The following TRPM2 variants were observed in gnomAD, a reference collection of about 807,000 sequenced individuals.
The protein encoded by TRPM2 is transient receptor potential cation channel subfamily M member 2.
A neutral mutation model predicts 174.0 loss-of-function variants in TRPM2; 161 were observed. That is an observed-to-expected ratio of 0.93 (90% confidence interval 0.81 to 1.05). The LOEUF (loss-of-function observed/expected upper bound fraction) is 1.05. Ranked by LOEUF, TRPM2 falls within the 50% of genes least tolerant of loss-of-function variation. The probability of loss-of-function intolerance (pLI) is 0.00; values close to 1 mark genes in which losing one functional copy is unlikely to be tolerated. For missense variants in TRPM2, 2,057 were observed against 2,038.0 expected (o/e 1.01, Z -0.18); for synonymous variants, 954 against 861.3 (o/e 1.11, Z -1.88).
At chr21:44,377,589 T>C (rs575642912) in intron 6 of TRPM2, 123 bp from the exon 7 acceptor site, 2 of 1,311,224 alleles carry the variant, frequency 1.5e-6, no homozygotes, top group Non-Finnish European at 2.2e-6. Context: ...GTGCCCTCAG[T>C]GCAGGGTCTT....
At chr21:44,368,934 T>G (rs2048439959) in intron 4 of TRPM2, among the ~76,000 whole-genome samples, 1 of 151,638 alleles carries the variant, frequency 6.6e-6, no homozygotes, top group South Asian at 2.1e-4. Flanking sequence ...ATCCTGAGAC[T>G]GGGGCCTGAG....
In TRPM2 at chr21:44,405,147, C is replaced by G. The variant is rs2049822787; in HGVS notation, c.2544C>G (p.Phe848Leu). 1 of 1,613,464 alleles carries G rather than the reference C, an allele frequency of 6.2e-7. No homozygotes were observed. The highest frequency in any genetic ancestry group is 1.3e-5 in the African/African-American group (1 of 75,064). Residue 848 changes from phenylalanine to leucine, a missense_variant, in exon 17 of 32, where the codon TTC becomes TTG. Coordinates refer to ENST00000397928, the MANE Select transcript of TRPM2 (RefSeq NM_003307.4). ...ACCGCCCCTCTTCCCAGTAGCTCTTCTATGACCCTGACGAGTGCGGGCTGA... is the reference window on the plus strand; with the variant it reads ...ACCGCCCCTCTTCCCAGTAGCTCTTGTATGACCCTGACGAGTGCGGGCTGA... ...SLVCEEMRQL[F>L]YDPDECGLMK...
intron 19 of TRPM2, among the ~76,000 whole-genome samples, chr21:44,410,457 T>C (rs2050068314): frequency 1.3e-5 from 1 of 74,794 alleles, no homozygotes; most frequent in African/African-American, 3.9e-5. Context: ...TTGACCGCAC[T>C]GTCTTGGTGA....
At chr21:44,435,641 CAG>C (rs1187520088) in intron 28 of TRPM2, among the ~76,000 whole-genome samples, 1 of 148,074 alleles carries the variant, frequency 6.8e-6, no homozygotes, top group Admixed American at 6.7e-5. Context: ...ACTCACCCCT[CAG>C]ACCCACTCTC....
rs2050193390 is a variant in TRPM2, at chr21:44,414,009, C to T, written c.3081C>T (p.Leu1027=). 13 of 1,613,708 alleles carry T rather than the reference C, an allele frequency of 8.1e-6. No homozygotes were observed. Among genetic ancestry groups the T allele is most frequent in the Admixed American group, 5.0e-5 (3 of 60,000 alleles). Residue 1027 remains leucine, a synonymous_variant, in exon 20 of 32, where the codon CTC becomes CTT. Transcript: ENST00000397928. The stretch of plus-strand genomic sequence containing the variant: ...CCTTCCCTGAGTGGCTGACGGTCCT[C>T]CTACTCTGCCTCTACCTGCTCTTCA... ...RPAFPEWLTV[L]LLCLYLLFTN...
At chr21:44,402,754 G>A (rs764409946) in intron 16 of TRPM2, among the ~76,000 whole-genome samples, 2 of 152,194 alleles carry the variant, frequency 1.3e-5, no homozygotes, top group Non-Finnish European at 2.9e-5. Context: ...ACTGTGTGGG[G>A]TCTCCACTGT....
chr21:44,373,690 C>T (rs1421569346), intron 5 of TRPM2, among the ~76,000 whole-genome samples: 1 of 152,170 alleles, frequency 6.6e-6, no homozygotes. Flanking sequence ...TTTTGTCTGT[C>T]AGTTTTTCCC....
rs146257435 is a variant in TRPM2, at chr21:44,401,882, C to T, written c.2523C>T (p.Cys841=). The T allele has an allele frequency of 1.4e-5, 22 of 1,613,584 alleles. No homozygotes were observed. The highest frequency in any genetic ancestry group is 5.0e-5 in the Admixed American group (3 of 59,986). Residue 841 remains cysteine (C), a synonymous_variant, in exon 16 of 32, where the codon TGC becomes TGT. Coordinates refer to ENST00000397928, the MANE Select transcript of TRPM2 (RefSeq NM_003307.4). ...AIYLWLFSLV[C]EEMRQLFYDP... is the part of the protein sequence containing the mutation. ...ACCTCTGGCTCTTCTCCTTGGTGTGCGAGGAGATGCGGCAGGTACAGCCCC... is the reference window on the plus strand; with the variant it reads ...ACCTCTGGCTCTTCTCCTTGGTGTGTGAGGAGATGCGGCAGGTACAGCCCC...
chr21:44,384,452 A>G (rs925713026), intron 9 of TRPM2, among the ~76,000 whole-genome samples: 2 of 152,246 alleles, frequency 1.3e-5, no homozygotes, highest in Non-Finnish European at 2.9e-5. Context: ...ACTGGAAGGC[A>G]GAAGGGTAAG....
intron 11 of TRPM2, among the ~76,000 whole-genome samples, chr21:44,393,597 G>A (rs1043504278): frequency 2.6e-5 from 4 of 151,902 alleles, no homozygotes; most frequent in Admixed American, 6.6e-5. Context: ...GACAGTTTAT[G>A]TAGCTGGAGT....
chr21:44,407,117 G>T (rs571494166), intron 19 of TRPM2, among the ~76,000 whole-genome samples: 21 of 14,260 alleles, frequency 1.5e-3, no homozygotes, highest in African/African-American at 3.4e-3. Flanking sequence ...TTCTTCTCTT[G>T]ATGGAAATAA....
At chr21:44,356,885 T>C (rs189895771) in intron 2 of TRPM2, among the ~76,000 whole-genome samples, 65 of 152,356 alleles carry the variant, frequency 4.3e-4, no homozygotes, top group African/African-American at 1.5e-3. Context: ...GATGTTGCCA[T>C]GGCATCTGCC....
intron 2 of TRPM2, among the ~76,000 whole-genome samples, chr21:44,360,231 G>C (rs1160776977): frequency 1.3e-5 from 2 of 152,214 alleles, no homozygotes; most frequent in African/African-American, 2.4e-5. Context: ...GAAGTTAGCA[G>C]TTGAAGAAAG....
chr21:44,410,036 C>T (rs547433058), intron 19 of TRPM2, among the ~76,000 whole-genome samples: 10 of 151,166 alleles, frequency 6.6e-5, no homozygotes, highest in Admixed American at 6.6e-4. Context: ...TTGGCGTAGC[C>T]TTGTAGTAAG....
intron 2 of TRPM2, among the ~76,000 whole-genome samples, chr21:44,362,104 G>A (rs1024582903): frequency 1.3e-5 from 2 of 152,210 alleles, no homozygotes; most frequent in African/African-American, 4.8e-5. Context: ...ATCTGCTGAT[G>A]TTGACATTTT....
chr21:44,402,665 C>T lies in TRPM2; in HGVS notation c.2538+768C>T, dbSNP rs1051508357. 3.9e-5 allele frequency among the ~76,000 whole-genome samples: 6 copies of T among 152,194 alleles called. No individual in the cohort carries two copies. In the East Asian group the frequency reaches 7.7e-4, roughly 20 times the overall value. On this transcript the variant is annotated intron_variant, in intron 16 of 31. Coordinates refer to ENST00000397928, the MANE Select transcript of TRPM2 (RefSeq NM_003307.4). ...CAGGAACAAAGACACCCTCATCAGG[C>T]GGACATTCCAAGGGCTCAGAGGCTA...
intron 27 of TRPM2, 148 bp downstream of exon 27, chr21:44,427,259 C>T (rs2146385266): frequency 1.4e-6 from 1 of 716,278 alleles, no homozygotes; most frequent in Non-Finnish European, 2.3e-6. Flanking sequence ...AACATCAACT[C>T]ACTGCATCTC....
chr21:44,429,821 A>C (rs1385361881), intron 27 of TRPM2, among the ~76,000 whole-genome samples: 1 of 152,002 alleles, frequency 6.6e-6, no homozygotes, highest in Non-Finnish European at 1.5e-5. Context: ...TAAATTCTTC[A>C]GTGTAATTTA....
intron 16 of TRPM2, among the ~76,000 whole-genome samples, chr21:44,403,630 TA>T (rs2049715351): frequency 6.7e-6 from 1 of 150,244 alleles, no homozygotes; most frequent in South Asian, 2.1e-4. Flanking sequence ...CATTCATGCA[TA>T]TGTATACACA....
Sources: allele counts gnomAD v4.1 joint callset (sites outside exome capture counted in the v4.1 genomes callset), GRCh38; gene constraint gnomAD v4.1.1; transcripts MANE v1.5; gene names NCBI Gene and HGNC (gene_info 2026-07-23, HGNC 2026-07-21).